KCNH1: variants seen among roughly 807,000 people sequenced by gnomAD.
KCNH1 encodes voltage-gated delayed rectifier potassium channel KCNH1.
Under a neutral mutation model 69.2 loss-of-function variants are expected in KCNH1, and 27 were observed. The observed-to-expected ratio is 0.39, with a 90% CI of 0.29 to 0.54. The LOEUF (loss-of-function observed/expected upper bound fraction) is 0.54. Among genes scored for constraint, KCNH1 ranks in the 20% least tolerant of loss-of-function variants. The probability of loss-of-function intolerance (pLI) is 0.68; values close to 1 mark genes in which losing one functional copy is unlikely to be tolerated. For missense variants in KCNH1, 798 were observed against 1,261.6 expected, an observed-to-expected ratio of 0.63 and a Z score of 5.57; for synonymous variants, 456 against 487.7, an observed-to-expected ratio of 0.93 and a Z score of 0.86.
At chr1:210,960,287 C>A (rs1032813138) in intron 6 of KCNH1, among the ~76,000 whole-genome samples, 1 of 152,164 alleles carries the variant, frequency 6.6e-6, no homozygotes, top group Admixed American at 6.5e-5. Context: ...GTTTCCATTT[C>A]TCTTGCTTTA....
intron 4 of KCNH1, among the ~76,000 whole-genome samples, chr1:211,088,161 G>A (rs989601053): frequency 1.3e-5 from 2 of 152,118 alleles, no homozygotes; most frequent in Non-Finnish European, 2.9e-5. Context: ...ACATCCCATG[G>A]GACAATGCCA....
At chr1:210,976,394 T>C (rs1040832518) in intron 6 of KCNH1, among the ~76,000 whole-genome samples, 2 of 142,942 alleles carry the variant, frequency 1.4e-5, no homozygotes, top group African/African-American at 2.5e-5. Context: ...ATGTGGCACA[T>C]ACAATGAGAT....
intron 7 of KCNH1, among the ~76,000 whole-genome samples, chr1:210,881,839 G>A (rs977096660): frequency 7.2e-5 from 11 of 152,148 alleles, no homozygotes; most frequent in African/African-American, 2.4e-4. Context: ...GCTAAACTAC[G>A]GAGACAGAAA....
intron 6 of KCNH1, among the ~76,000 whole-genome samples, chr1:210,992,313 A>G (rs1688952305): frequency 6.6e-6 from 1 of 152,228 alleles, no homozygotes; most frequent in African/African-American, 2.4e-5. Context: ...AGTGAAAGAT[A>G]CTGTTGTTTG....
At chr1:210,734,336 CTCT>C (rs1682820149) in intron 10 of KCNH1, among the ~76,000 whole-genome samples, 1 of 152,126 alleles carries the variant, frequency 6.6e-6, no homozygotes, top group Non-Finnish European at 1.5e-5. Flanking sequence ...CAGAAGCTGT[CTCT>C]TCTTTGGGAG....
chr1:210,709,727 AGAG>A (rs758087037), intron 10 of KCNH1, among the ~76,000 whole-genome samples: 1 of 126,338 alleles, frequency 7.9e-6, no homozygotes, highest in Non-Finnish European at 1.5e-5. Context: ...GAAAGAAGAG[AGAG>A]AGAGAGAGAG....
chr1:210,771,698 A>C (rs1289483846), intron 10 of KCNH1, among the ~76,000 whole-genome samples: 1 of 152,226 alleles, frequency 6.6e-6, no homozygotes, highest in African/African-American at 2.4e-5. Context: ...TGCAAATATT[A>C]TCTTATTTAA....
At chr1:211,097,845 A>G (rs566306119) in intron 3 of KCNH1, among the ~76,000 whole-genome samples, 43 of 152,358 alleles carry the variant, frequency 2.8e-4, no homozygotes, top group African/African-American at 1.0e-3. Context: ...GCCGCCAGCC[A>G]CACCACAAAT....
At chr1:210,816,217 ATTTAATAACC>A (rs959155310) in intron 7 of KCNH1, among the ~76,000 whole-genome samples, 25 of 152,192 alleles carry the variant, frequency 1.6e-4, no homozygotes, top group Admixed American at 5.2e-4. Context: ...AAAAACTCTC[ATTTAATAACC>A]TGCTAAGAAT....
rs140225937 is a variant in KCNH1, at chr1:210,773,690, T to A, written c.2112+1658A>T. Among the ~76,000 whole-genome samples, 31 of 152,298 alleles carry A rather than the reference T, an allele frequency of 2.0e-4. No individual in the cohort carries two copies. The East Asian group carries it at 6.0e-3, about 29-fold the overall frequency. On this transcript the variant is annotated intron_variant, in intron 10 of 10. Transcript: ENST00000271751. Reference sequence around the variant, plus strand: ...GCTAGGTATCACCCCTGACAATTAATCCTTGACTCCCTTTAGCTGTCCCCC... The same window carrying A: ...GCTAGGTATCACCCCTGACAATTAAACCTTGACTCCCTTTAGCTGTCCCCC...
intron 5 of KCNH1, among the ~76,000 whole-genome samples, chr1:211,073,623 G>A (rs1690683986): frequency 6.6e-6 from 1 of 151,900 alleles, no homozygotes. Context: ...TAATACATAG[G>A]CCAAAGAATA....
At chr1:210,847,807 A>G (rs1183728141) in intron 7 of KCNH1, among the ~76,000 whole-genome samples, 1 of 151,904 alleles carries the variant, frequency 6.6e-6, no homozygotes, top group Non-Finnish European at 1.5e-5. Context: ...ATAAAAAAGA[A>G]TAAAATGTGG....
At chr1:210,901,655 A>G (rs1295457144) in intron 7 of KCNH1, among the ~76,000 whole-genome samples, 1 of 152,212 alleles carries the variant, frequency 6.6e-6, no homozygotes, top group African/African-American at 2.4e-5. Context: ...GAAAAGGTCC[A>G]GGGGCTGGAG....
chr1:210,861,421 A>G, intron 7 of KCNH1: 1 of 776,940 alleles, frequency 1.3e-6, no homozygotes, highest in Non-Finnish European at 2.4e-6. Context: ...GAGCAAATTC[A>G]TTATACTCCT....
chr1:210,982,274 G>A (rs186848298), intron 6 of KCNH1, among the ~76,000 whole-genome samples: 162 of 151,346 alleles, frequency 1.1e-3, no homozygotes, highest in Non-Finnish European at 1.6e-3. Flanking sequence ...CATAAGTTAG[G>A]GTAATAAACT....
chr1:210,763,270 C>A (rs994378746), intron 10 of KCNH1, among the ~76,000 whole-genome samples: 1 of 152,080 alleles, frequency 6.6e-6, no homozygotes, highest in Admixed American at 6.6e-5. Context: ...CAACATCATA[C>A]TGAATGGACA....
chr1:211,012,025 G>A (rs191594017), intron 6 of KCNH1, among the ~76,000 whole-genome samples: 2 of 152,292 alleles, frequency 1.3e-5, no homozygotes, highest in East Asian at 1.9e-4. Context: ...GCACTCATCC[G>A]CAGCACTTCC....
intron 5 of KCNH1, among the ~76,000 whole-genome samples, chr1:211,077,907 G>A (rs1244253163): frequency 2.6e-5 from 4 of 151,668 alleles, no homozygotes; most frequent in Non-Finnish European, 5.9e-5. Flanking sequence ...TAAAGGGATG[G>A]AGGAAGATCT....
chr1:211,010,052 T>C (rs1244148934), intron 6 of KCNH1, among the ~76,000 whole-genome samples: 1 of 152,086 alleles, frequency 6.6e-6, no homozygotes, highest in Non-Finnish European at 1.5e-5. Context: ...CTGGGAAAAT[T>C]CAGGGGGAAT....
Sources: gnomAD v4.1 joint callset for allele counts (sites outside exome capture counted in the v4.1 genomes callset) on GRCh38, gnomAD v4.1.1 for gene constraint, MANE v1.5 for transcripts, NCBI Gene and HGNC (gene_info 2026-07-23, HGNC 2026-07-21) for gene names.